NFIA: variants seen among roughly 807,000 people sequenced by gnomAD.
NFIA encodes the protein nuclear factor I A.
A neutral mutation model predicts 62.8 loss-of-function variants in NFIA; 8 were observed. That is an observed-to-expected ratio of 0.13 (90% CI 0.07 to 0.23). The LOEUF is 0.23. Among genes scored for constraint, NFIA ranks in the 10% least tolerant of loss-of-function variants. NFIA has a pLI of 1.00. For synonymous variants in NFIA, 235 were observed against 238.1 expected, an observed-to-expected ratio of 0.99 and a Z score of 0.12; for missense variants, 410 against 642.1, an observed-to-expected ratio of 0.64 and a Z score of 3.91.
At chr1:61,215,862 C>T (rs184657710) in intron 2 of NFIA, among the ~76,000 whole-genome samples, 1 of 152,318 alleles carries the variant, frequency 6.6e-6, no homozygotes, top group Non-Finnish European at 1.5e-5. Context: ...TGAGGTCAGT[C>T]TGACCCAGTC....
Position 61,406,542 on chromosome 1 carries a change from T to TGGGGGGGGGGGGGGGGGGGGGGGGGG in NFIA, c.1255-19_1255-18insGGGGGGGGGGGGGGGGGGGGGGGGGG. On this transcript the variant is annotated intron_variant, in intron 8 of 10. Transcript: ENST00000403491. Reference sequence around the variant, plus strand: ...TTCTTTTTCTTGTACGTGTGTTTTCTGCCCCCCCCCCCCCCACAGCCCAAT... The same window carrying TGGGGGGGGGGGGGGGGGGGGGGGGGG: ...TTCTTTTTCTTGTACGTGTGTTTTCTGGGGGGGGGGGGGGGGGGGGGGGGGGGCCCCCCCCCCCCCCACAGCCCAAT... 6 of 1,253,818 alleles carry TGGGGGGGGGGGGGGGGGGGGGGGGGG rather than the reference T, an allele frequency of 4.8e-6. No homozygotes were observed. The highest frequency in any genetic ancestry group is 3.1e-5 in the East Asian group (1 of 32,730). The allele number at this position is 1,253,818 out of a possible 1,614,324, so 77.7% of individuals were successfully genotyped here.
intron 2 of NFIA, among the ~76,000 whole-genome samples, chr1:61,110,367 AT>A (rs1160687206): frequency 1.3e-5 from 2 of 151,870 alleles, no homozygotes; most frequent in East Asian, 3.9e-4. Context: ...GAAGTGATTA[AT>A]TTTTTAGGTG....
rs750407113 is a variant in NFIA at position 61,317,382 on chromosome 1, TCA to T, written c.626-15129_626-15128del. On this transcript the variant is annotated intron_variant, in intron 3 of 10. Coordinates refer to ENST00000403491, the MANE Select transcript of NFIA (RefSeq NM_001134673.4). ...AATAATGCTTGGCCTCTATAGATAT[TCA>T]ATATGTATTTAAAGAAGAGATGGTG... Among the ~76,000 whole-genome samples, 25 of 152,180 alleles carry T rather than the reference TCA, an allele frequency of 1.6e-4. No homozygotes were observed. The Middle Eastern group carries it at 0.014, about 83-fold the overall frequency.
chr1:61,433,136 A>T (rs1445502403), intron 10 of NFIA, among the ~76,000 whole-genome samples: 2 of 152,210 alleles, frequency 1.3e-5, no homozygotes, highest in Admixed American at 6.5e-5. Flanking sequence ...ATATCAAGGA[A>T]TCAGAAGCCT....
At chr1:61,096,317 G>A (rs1174430640) in intron 2 of NFIA, among the ~76,000 whole-genome samples, 11 of 150,218 alleles carry the variant, frequency 7.3e-5, no homozygotes, top group African/African-American at 1.7e-4. Context: ...TGGTTCAAGC[G>A]ATTCTCCTGT....
intron 2 of NFIA, among the ~76,000 whole-genome samples, chr1:61,212,070 T>C (rs552482729): frequency 3.3e-5 from 5 of 152,278 alleles, no homozygotes; most frequent in African/African-American, 1.2e-4. Flanking sequence ...ATTGGGTTGT[T>C]GGATTTGTAG....
intron 3 of NFIA, among the ~76,000 whole-genome samples, chr1:61,327,654 C>T (rs57927770): frequency 0.082 from 12,466 of 151,908 alleles, 673 homozygotes; most frequent in East Asian, 0.19. Context: ...TTTCTTTATC[C>T]GCTCCTTGGC....
In NFIA at chr1:61,088,561, G is replaced by C; in HGVS notation, c.440G>C (p.Gly147Ala). The stretch of plus-strand genomic sequence containing the variant: ...GGTATTCCGCTGGAAAGTACTGATG[G>C]CGAGCGCCTTGTAAAGTCCCCACAA... Reference protein sequence around the residue: ...FKGIPLESTDGERLVKSPQCS... With the variant: ...FKGIPLESTDAERLVKSPQCS... Residue 147 changes from glycine to alanine, a missense_variant, in exon 2 of 11, where the codon GGC (glycine) becomes GCC (alanine). Transcript: ENST00000403491. This position sits in a 1 kb window ranked among gnomAD's most constrained non-coding sequence, Gnocchi z 4.5. 6.2e-7 allele frequency: 1 copy of C among 1,614,148 alleles called. No homozygotes were observed. The highest frequency in any genetic ancestry group is 8.5e-7 in the Non-Finnish European group (1 of 1,180,026).
chr1:61,216,860 C>A (rs1227266887), intron 2 of NFIA, among the ~76,000 whole-genome samples: 1 of 151,464 alleles, frequency 6.6e-6, no homozygotes, highest in Non-Finnish European at 1.5e-5. Context: ...ATTGGCTGGG[C>A]GTGGTGGTGG....
intron 3 of NFIA, among the ~76,000 whole-genome samples, chr1:61,282,011 C>T (rs886585497): frequency 1.3e-5 from 2 of 152,020 alleles, no homozygotes; most frequent in Admixed American, 6.6e-5. Flanking sequence ...AAAACAAAAA[C>T]GCTCTGGAGA....
chr1:61,274,508 C>G (rs1657693909), intron 2 of NFIA, among the ~76,000 whole-genome samples: 1 of 152,114 alleles, frequency 6.6e-6, no homozygotes, highest in Non-Finnish European at 1.5e-5. Flanking sequence ...CAGAGAAACT[C>G]ACTGGTATGG....
chr1:61,457,872 C>T lies in NFIA; in HGVS notation c.*2552C>T, dbSNP rs1379972908. ...GACAACTTCCTTTTTCTTCAGCTCC[C>T]ACACCCCATTTTTCTTAGCAGACTG... On this transcript the variant is annotated 3_prime_UTR_variant, in exon 11 of 11. Transcript: ENST00000403491. The surrounding 1 kb of genome is among the most constrained non-coding windows in gnomAD (Gnocchi z 4.2). The T allele has an allele frequency of 2.6e-5, 4 of 151,774 alleles. No individual in the cohort carries two copies. Among genetic ancestry groups the T allele is most frequent in the African/African-American group, 7.3e-5 (3 of 41,368 alleles). 9.4% of individuals were successfully genotyped at this position (151,774 alleles called of 1,614,324 possible). A position where few individuals can be genotyped will look rare whatever the true frequency, so the allele number is the denominator to read the frequency against.
At chr1:61,268,115 A>C (rs985392899) in intron 2 of NFIA, among the ~76,000 whole-genome samples, 1 of 152,206 alleles carries the variant, frequency 6.6e-6, no homozygotes, top group Non-Finnish European at 1.5e-5. Context: ...ATTCACCAAC[A>C]CACTGAAATA....
At chr1:61,445,847 A>G (rs776490537) in intron 10 of NFIA, among the ~76,000 whole-genome samples, 34 of 152,180 alleles carry the variant, frequency 2.2e-4, no homozygotes, top group South Asian at 8.3e-4. Flanking sequence ...TGTGATAACT[A>G]GTATCCTGAG....
chr1:61,418,930 T>C lies in NFIA; in HGVS notation c.1421-7535T>C, dbSNP rs72915730. The stretch of plus-strand genomic sequence containing the variant: ...ATCCAGGGTTTATTCCCTGTGGCTA[T>C]TTAATATAACTTTCACCTGTCCCTA... On this transcript the variant is annotated intron_variant, in intron 9 of 10. Coordinates refer to ENST00000403491, the MANE Select transcript of NFIA (RefSeq NM_001134673.4). 9.3e-3 allele frequency among the ~76,000 whole-genome samples: 1,415 copies of C among 152,308 alleles called. 18 individuals carry two copies. Among genetic ancestry groups the C allele is most frequent in the African/African-American group, 0.032 (1,332 of 41,560 alleles).
At chr1:61,339,731 T>C (rs1435758254) in intron 4 of NFIA, among the ~76,000 whole-genome samples, 1 of 152,106 alleles carries the variant, frequency 6.6e-6, no homozygotes, top group Non-Finnish European at 1.5e-5. Context: ...GTAATAGAAA[T>C]TGTCGTCAAA....
chr1:61,078,361 T>TATTGTTATTAACTTTGC (rs1646057602), upstream of NFIA, among the ~76,000 whole-genome samples: 1 of 151,916 alleles, frequency 6.6e-6, no homozygotes, highest in Admixed American at 6.6e-5. Context: ...AATAACTTTG[T>TATTGTTATTAACTTTGC]ATTGTTATTA....
intron 3 of NFIA, among the ~76,000 whole-genome samples, chr1:61,278,890 A>G (rs956107237): frequency 5.3e-5 from 8 of 152,210 alleles, no homozygotes; most frequent in Admixed American, 4.6e-4. Flanking sequence ...TTAACCTCTC[A>G]GAGTATTGAT....
chr1:61,324,721 G>A (rs1030066066), intron 3 of NFIA, among the ~76,000 whole-genome samples: 2 of 152,210 alleles, frequency 1.3e-5, no homozygotes, highest in African/African-American at 4.8e-5. Flanking sequence ...AAGGCGGATA[G>A]ATGTTCAGTT....
Sources: allele counts gnomAD v4.1 joint callset (sites outside exome capture counted in the v4.1 genomes callset), GRCh38; gene constraint gnomAD v4.1.1; non-coding constraint Gnocchi (gnomAD v3.1); transcripts MANE v1.5; gene names NCBI Gene and HGNC (gene_info 2026-07-23, HGNC 2026-07-21).